Variants in CACNA1D observed in about 807,000 individuals in gnomAD.
CACNA1D encodes calcium voltage-gated channel subunit alpha1 D.
In CACNA1D, 55 loss-of-function variants were observed where a neutral mutation model predicts 257.1. The observed-to-expected ratio is 0.21, with a 90% CI of 0.17 to 0.27. The LOEUF is 0.27. CACNA1D is among the 10% of genes least tolerant of loss of function. CACNA1D has a pLI of 1.00. For synonymous variants in CACNA1D, 980 were observed against 1,014.9 expected (o/e 0.97, Z 0.65); for missense variants, 1,876 against 2,784.0 (o/e 0.67, Z 7.34).
intron 40 of CACNA1D, among the ~76,000 whole-genome samples, chr3:53,795,344 G>T (rs2095502872): frequency 6.6e-6 from 1 of 152,216 alleles, no homozygotes; most frequent in Non-Finnish European, 1.5e-5. Flanking sequence ...GTGACTATAG[G>T]TGAGTAAGTG....
At chr3:53,599,686 A>C (rs1432008985) in intron 3 of CACNA1D, among the ~76,000 whole-genome samples, 1 of 152,184 alleles carries the variant, frequency 6.6e-6, no homozygotes, top group Non-Finnish European at 1.5e-5. Context: ...ATATAAGTAA[A>C]ACACCATACC....
chr3:53,799,861 G>A (rs2095527199), intron 40 of CACNA1D: 1 of 308,740 alleles, frequency 3.2e-6, no homozygotes, highest in South Asian at 3.2e-5. Context: ...GCCAGGCTGT[G>A]CTCCTTGCCC....
chr3:53,608,655 A>G (rs939519642), intron 3 of CACNA1D, among the ~76,000 whole-genome samples: 11 of 151,996 alleles, frequency 7.2e-5, no homozygotes, highest in African/African-American at 1.5e-4. Context: ...GTTTCTTTCT[A>G]TTTCTATTTC....
At chr3:53,669,508 A>G (rs1288033031) in intron 7 of CACNA1D, among the ~76,000 whole-genome samples, 7 of 152,270 alleles carry the variant, frequency 4.6e-5, no homozygotes, top group Non-Finnish European at 2.9e-5. Context: ...AGGCACTTAC[A>G]TATGGTGGAC....
Position 53,810,072 on chromosome 3 carries a change from C to A in CACNA1D, c.5966C>A (p.Pro1989His), listed in dbSNP as rs1389885834. 6.2e-7 allele frequency: 1 copy of A among 1,614,002 alleles called. No homozygotes were observed. ...TGGGCCACCCCTCCAGCAACCCCTC[C>A]CTACCGGGACTGGACACCGTGCTAC... ...RSWATPPATP[P>H]YRDWTPCYTP... Residue 1989 changes from proline to histidine, a missense_variant, in exon 47 of 48, where the codon CCC becomes CAC. Pro to His is a moderately conservative substitution (Grantham distance 77). This residue lies in a region of CACNA1D where 491 missense variants were observed against 554.3 expected (regional missense o/e 0.89). Coordinates refer to ENST00000350061, the MANE Select transcript of CACNA1D (RefSeq NM_001128840.3).
intron 3 of CACNA1D, among the ~76,000 whole-genome samples, chr3:53,554,104 G>A (rs1416444670): frequency 4.6e-5 from 7 of 151,762 alleles, no homozygotes; most frequent in African/African-American, 1.7e-4. Context: ...GCTGAGGGAG[G>A]AGAATGGCGT....
At chr3:53,546,701 C>G (rs1345285752) in intron 3 of CACNA1D, among the ~76,000 whole-genome samples, 3 of 152,200 alleles carry the variant, frequency 2.0e-5, no homozygotes, top group African/African-American at 4.8e-5. Context: ...GCTCAACTTA[C>G]CAGCATGGTT....
chr3:53,679,677 A>C (rs1483968861), intron 8 of CACNA1D: 1 of 152,266 alleles, frequency 6.6e-6, no homozygotes, highest in Non-Finnish European at 1.5e-5. Flanking sequence ...TTAAGCTGAC[A>C]GAATGCTAAA....
chr3:53,700,730 C>T (rs1276907820), intron 8 of CACNA1D, among the ~76,000 whole-genome samples: 3 of 152,096 alleles, frequency 2.0e-5, no homozygotes, highest in African/African-American at 7.2e-5. Context: ...GGCCTCCTTC[C>T]TTATTCACAG....
intron 3 of CACNA1D, among the ~76,000 whole-genome samples, chr3:53,635,464 G>C (rs2093872021): frequency 6.6e-6 from 1 of 152,174 alleles, no homozygotes; most frequent in African/African-American, 2.4e-5. Context: ...CTGGATTTGG[G>C]GGGGATCAGG....
rs2095204073 is a variant in CACNA1D, at chr3:53,749,358, C to T, written c.3405C>T (p.Tyr1135=). 1.2e-6 allele frequency: 2 copies of T among 1,611,180 alleles called. No individual in the cohort carries two copies. The highest frequency in any genetic ancestry group is 8.5e-7 in the Non-Finnish European group (1 of 1,177,542). The change falls in exon 27 of 48, where the codon TAC becomes TAT. Residue 1135 remains tyrosine (Y), a synonymous_variant. Coordinates refer to ENST00000350061, the MANE Select transcript of CACNA1D (RefSeq NM_001128840.3). The part of the protein sequence containing the change: ...RVEISIFFII[Y]IIIVAFFMMN... Reference sequence around the variant, plus strand: ...AGATCTCCATCTTCTTCATCATCTACATCATCATTGTAGCTTTCTTCATGA... The same window carrying T: ...AGATCTCCATCTTCTTCATCATCTATATCATCATTGTAGCTTTCTTCATGA...
intron 4 of CACNA1D, 152 bp from the exon 5 acceptor site, chr3:53,659,981 A>G: frequency 2.8e-6 from 2 of 703,254 alleles, no homozygotes; most frequent in African/African-American, 1.8e-5. Context: ...TTGTATTCCA[A>G]TTCCACAGCC....
At chr3:53,637,597 G>A (rs759615174) in intron 3 of CACNA1D, among the ~76,000 whole-genome samples, 2 of 152,150 alleles carry the variant, frequency 1.3e-5, no homozygotes, top group Non-Finnish European at 2.9e-5. Flanking sequence ...AATTGCCTGT[G>A]GAAAGGCCTG....
intron 3 of CACNA1D, among the ~76,000 whole-genome samples, chr3:53,553,014 C>T (rs1041793469): frequency 5.9e-5 from 9 of 152,268 alleles, no homozygotes; most frequent in South Asian, 2.1e-4. Context: ...AACTCCTGGG[C>T]GGGAGCATTC....
chr3:53,752,845 CAG>C (rs2095237894), intron 28 of CACNA1D, among the ~76,000 whole-genome samples: 1 of 152,234 alleles, frequency 6.6e-6, no homozygotes, highest in Non-Finnish European at 1.5e-5. Context: ...ACCTGAGTTA[CAG>C]CTACTTCTTA....
chr3:53,570,701 G>A (rs1242117240), intron 3 of CACNA1D, among the ~76,000 whole-genome samples: 1 of 152,208 alleles, frequency 6.6e-6, no homozygotes, highest in East Asian at 1.9e-4. Context: ...CTCTCACACT[G>A]TTAAATAATG....
At chr3:53,639,145 CT>C (rs1474959797) in intron 3 of CACNA1D, among the ~76,000 whole-genome samples, 1 of 152,196 alleles carries the variant, frequency 6.6e-6, no homozygotes, top group East Asian at 1.9e-4. Flanking sequence ...AACCCCTTCT[CT>C]GCCTATTTGT....
chr3:53,756,205 G>A (rs760558398), intron 29 of CACNA1D, among the ~76,000 whole-genome samples: 4 of 152,170 alleles, frequency 2.6e-5, no homozygotes, highest in African/African-American at 9.7e-5. Flanking sequence ...AAGAGGGAAC[G>A]GTTAAAGAAA....
intron 4 of CACNA1D, among the ~76,000 whole-genome samples, chr3:53,655,382 G>T (rs1294441672): frequency 6.6e-6 from 1 of 152,170 alleles, no homozygotes; most frequent in African/African-American, 2.4e-5. Flanking sequence ...AGCTCTTTGA[G>T]GAATTGATAC....
Sources: gnomAD v4.1 joint callset for allele counts (sites outside exome capture counted in the v4.1 genomes callset) on GRCh38, gnomAD v4.1.1 for gene constraint, gnomAD v4.1.1 regional missense constraint, MANE v1.5 for transcripts, NCBI Gene and HGNC (gene_info 2026-07-23, HGNC 2026-07-21) for gene names.